ABRACL: variants seen among roughly 807,000 people sequenced by gnomAD.
The protein encoded by ABRACL is costars family protein ABRACL.
ABRACL carries 4 observed loss-of-function variants against 7.0 expected under a neutral mutation model. The ratio of observed to expected loss-of-function variants is 0.57; its 90% confidence interval spans 0.28 to 1.30. The LOEUF (loss-of-function observed/expected upper bound fraction) is 1.30. ABRACL is among the 50% of genes most tolerant of loss of function. ABRACL has a pLI of 0.10. For synonymous variants in ABRACL, 30 were observed against 36.0 expected (o/e 0.83, Z 0.60); for missense variants, 104 against 97.3 (o/e 1.07, Z -0.29).
At chr6:139,039,110 G>C (rs1244375561) in intron 2 of ABRACL, among the ~76,000 whole-genome samples, 1 of 151,976 alleles carries the variant, frequency 6.6e-6, no homozygotes, top group East Asian at 1.9e-4. Context: ...TGTAATCCCA[G>C]CTACTTGGGG....
chr6:139,039,336 A>G (rs9495319), intron 2 of ABRACL, among the ~76,000 whole-genome samples: 3,605 of 152,328 alleles, frequency 0.024, 138 homozygotes, highest in African/African-American at 0.081. Context: ...CTTGTAATCA[A>G]TTGTGTCTTA....
At chr6:139,032,789 C>T (rs947053136) in intron 1 of ABRACL, among the ~76,000 whole-genome samples, 1 of 152,192 alleles carries the variant, frequency 6.6e-6, no homozygotes, top group Admixed American at 6.5e-5. Context: ...GCTCATACTT[C>T]CTGACATCCT....
In ABRACL at chr6:139,042,837, A is replaced by C; in HGVS notation, c.180A>C (p.Thr60=). ...LKAAKRRKIV[T]YPGELLLQGV... is the part of the protein sequence containing the mutation. The stretch of plus-strand genomic sequence containing the variant: ...CTGCAAAACGAAGGAAGATTGTAAC[A>C]TATCCAGGAGAGCTGCTTCTGCAAG... The change falls in exon 3 of 3, where the codon ACA becomes ACC. Residue 60 remains threonine (T), a synonymous_variant. Coordinates refer to ENST00000367660, the MANE Select transcript of ABRACL (RefSeq NM_021243.3). The C allele has an allele frequency of 6.2e-7, 1 of 1,614,092 alleles. No homozygotes were observed.
At chr6:139,029,077 C>G (rs1203015055) in intron 1 of ABRACL, among the ~76,000 whole-genome samples, 1 of 152,104 alleles carries the variant, frequency 6.6e-6, no homozygotes, top group East Asian at 1.9e-4. Flanking sequence ...CCCACGCCCC[C>G]ACCTCTCGGG....
intron 2 of ABRACL, among the ~76,000 whole-genome samples, chr6:139,040,101 A>G (rs1786221836): frequency 6.6e-6 from 1 of 152,154 alleles, no homozygotes; most frequent in Non-Finnish European, 1.5e-5. Context: ...CAAAAAAAGA[A>G]AAAAGAACCA....
chr6:139,034,551 A>C lies in ABRACL; in HGVS notation c.61+330A>C, dbSNP rs1050967279. On this transcript the variant is annotated intron_variant, in intron 2 of 2. Coordinates refer to ENST00000367660, the MANE Select transcript of ABRACL (RefSeq NM_021243.3). ...CAAATTTTTACTTGTCATACTATTA[A>C]AATTCATGTTTTCTGCCTTGTTCTG... 4 of 859,704 alleles carry C rather than the reference A, an allele frequency of 4.7e-6. No homozygotes were observed. The African/African-American group carries it at 6.8e-5, about 15-fold the overall frequency. The allele number at this position is 859,704 out of a possible 1,614,324, so 53.3% of individuals were successfully genotyped here. A position where few individuals can be genotyped will look rare whatever the true frequency, so the allele number is the denominator to read the frequency against.
At chr6:139,033,320 T>C (rs1402498898) in intron 1 of ABRACL, among the ~76,000 whole-genome samples, 2 of 152,244 alleles carry the variant, frequency 1.3e-5, no homozygotes, top group African/African-American at 4.8e-5. Flanking sequence ...AACTCCTCCT[T>C]ATCTGCAGAT....
chr6:139,031,100 T>A (rs893821118), intron 1 of ABRACL, among the ~76,000 whole-genome samples: 3 of 152,214 alleles, frequency 2.0e-5, no homozygotes, highest in Non-Finnish European at 4.4e-5. Flanking sequence ...GTTAAAGAGA[T>A]AACATCTTTC....
intron 2 of ABRACL, among the ~76,000 whole-genome samples, chr6:139,041,650 T>C (rs934345931): frequency 6.6e-6 from 1 of 151,520 alleles, no homozygotes; most frequent in Admixed American, 6.6e-5. Flanking sequence ...CATGAGCCGT[T>C]GCACTCGGCC....
Position 139,042,928 on chromosome 6 carries a change from T to C in ABRACL, c.*25T>C. 1.3e-6 allele frequency: 2 copies of C among 1,529,486 alleles called. No individual in the cohort carries two copies. The highest frequency in any genetic ancestry group is 1.8e-6 in the Non-Finnish European group (2 of 1,132,518). The allele number at this position is 1,529,486 out of a possible 1,614,324, so 94.7% of individuals were successfully genotyped here. On this transcript the variant is annotated 3_prime_UTR_variant, in exon 3 of 3. Coordinates refer to ENST00000367660, the MANE Select transcript of ABRACL (RefSeq NM_021243.3). ...ATGTGGTTTACATATCTTTATGTACTGCCATTTTTTGTTTCTGGTAAACTG... is the reference window on the plus strand; with the variant it reads ...ATGTGGTTTACATATCTTTATGTACCGCCATTTTTTGTTTCTGGTAAACTG...
Position 139,034,138 on chromosome 6 carries a change from C to T in ABRACL, c.-6-17C>T. The T allele has an allele frequency of 6.2e-7, 1 of 1,614,114 alleles. No individual in the cohort carries two copies. On this transcript the variant is annotated splice_polypyrimidine_tract_variant and intron_variant, in intron 1 of 2. Coordinates refer to ENST00000367660, the MANE Select transcript of ABRACL (RefSeq NM_021243.3). ...ATGTAATGGTGATAATTTAGACTTC[C>T]TTTTTTTCTCTCCCAGGCAGCAATG...
Position 139,042,957 on chromosome 6 carries a change from T to TGTGAAG in ABRACL, c.*54_*55insGTGAAG. ...ATTTTTTGTTTCTGGTAAACTGGAA[T>TGTGAAG]ATAAAGTGAAAGAACAAACATTTGA... On this transcript the variant is annotated 3_prime_UTR_variant, in exon 3 of 3. Coordinates refer to ENST00000367660, the MANE Select transcript of ABRACL (RefSeq NM_021243.3). 7.0e-7 allele frequency: 1 copy of TGTGAAG among 1,424,674 alleles called. No individual in the cohort carries two copies. The highest frequency in any genetic ancestry group is 9.5e-7 in the Non-Finnish European group (1 of 1,053,666). 88.3% of individuals were successfully genotyped at this position (1,424,674 alleles called of 1,614,324 possible).
In ABRACL at chr6:139,043,202, A is replaced by G. The variant is rs1786279741; in HGVS notation, c.*299A>G. 4.8e-6 allele frequency: 1 copy of G among 207,324 alleles called. No homozygotes were observed. The highest frequency in any genetic ancestry group is 1.7e-4 in the South Asian group (1 of 5,904). The allele number at this position is 207,324 out of a possible 1,614,324, so 12.8% of individuals were successfully genotyped here. On this transcript the variant is annotated 3_prime_UTR_variant, in exon 3 of 3. Transcript: ENST00000367660. The stretch of plus-strand genomic sequence containing the variant: ...ATAAATAATTAGACATTTTCTATAG[A>G]TATTTGACATTCTGCGAAAGCAACA...
At chr6:139,041,224 A>T (rs1786238027) in intron 2 of ABRACL, among the ~76,000 whole-genome samples, 1 of 151,918 alleles carries the variant, frequency 6.6e-6, no homozygotes, top group South Asian at 2.1e-4. Context: ...GCCCAAAGAC[A>T]TCTTGCCCTC....
At chr6:139,041,499 G>GTGTT in intron 2 of ABRACL, among the ~76,000 whole-genome samples, 1 of 54,104 alleles carries the variant, frequency 1.8e-5, no homozygotes, top group East Asian at 8.5e-4. Context: ...ATATATGTGT[G>GTGTT]TGTGTGTGTG....
chr6:139,041,446 TC>T (rs1786244113), intron 2 of ABRACL, among the ~76,000 whole-genome samples: 1 of 68,126 alleles, frequency 1.5e-5, no homozygotes, highest in African/African-American at 4.0e-5. Flanking sequence ...TCTCTCTCTC[TC>T]TCTCTATATA....
chr6:139,042,599 G>A, intron 2 of ABRACL, 120 bp from the exon 3 acceptor site: 1 of 946,496 alleles, frequency 1.1e-6, no homozygotes, highest in East Asian at 2.6e-5. Flanking sequence ...ACTGTTAAGT[G>A]TTAAATTGCA....
At chr6:139,041,827 T>C (rs1416661486) in intron 2 of ABRACL, among the ~76,000 whole-genome samples, 1 of 152,170 alleles carries the variant, frequency 6.6e-6, no homozygotes, top group East Asian at 1.9e-4. Context: ...CCTCCTTATG[T>C]CTGCCCCTAG....
intron 1 of ABRACL, among the ~76,000 whole-genome samples, chr6:139,032,417 A>G (rs1434357655): frequency 6.6e-6 from 1 of 152,236 alleles, no homozygotes; most frequent in Non-Finnish European, 1.5e-5. Flanking sequence ...AAATTTTCAT[A>G]TTAAGTTTTA....
Sources: allele counts gnomAD v4.1 joint callset (sites outside exome capture counted in the v4.1 genomes callset), GRCh38; gene constraint gnomAD v4.1.1; transcripts MANE v1.5; gene names NCBI Gene and HGNC (gene_info 2026-07-23, HGNC 2026-07-21).